NBEA: variants seen among roughly 807,000 people sequenced by gnomAD.
The protein encoded by NBEA is lysosomal-trafficking regulator 2.
In NBEA, 44 loss-of-function variants were observed where a neutral mutation model predicts 343.4. The observed-to-expected ratio is 0.13, with a 90% CI of 0.10 to 0.16. NBEA has a LOEUF of 0.16. NBEA is among the 10% of genes least tolerant of loss of function. NBEA has a pLI of 1.00. For missense variants in NBEA, 2,555 were observed against 3,631.3 expected, an observed-to-expected ratio of 0.70 and a Z score of 7.62; for synonymous variants, 1,175 against 1,238.7, an observed-to-expected ratio of 0.95 and a Z score of 1.08.
rs147599783 is a variant in NBEA, at chr13:35,082,603, C to T, written c.1571+11751C>T. On this transcript the variant is annotated intron_variant, in intron 10 of 58. Transcript: ENST00000379939. ...TGTTGTTTCTTGACTTTTTAATGAT[C>T]GCCATTCTAACTGGTATGAGATGGT... 9.8e-3 allele frequency among the ~76,000 whole-genome samples: 1,484 copies of T among 152,126 alleles called. 19 individuals carry two copies. The highest frequency in any genetic ancestry group is 0.034 in the African/African-American group (1,425 of 41,500).
At chr13:34,948,852 C>G (rs2059266837) in intron 1 of NBEA, among the ~76,000 whole-genome samples, 1 of 152,090 alleles carries the variant, frequency 6.6e-6, no homozygotes, top group Non-Finnish European at 1.5e-5. Flanking sequence ...CAGTTAACTT[C>G]GGTCCAAGTT....
At chr13:35,326,716 G>T (rs2038585982) in intron 36 of NBEA, among the ~76,000 whole-genome samples, 1 of 151,864 alleles carries the variant, frequency 6.6e-6, no homozygotes, top group Non-Finnish European at 1.5e-5. Flanking sequence ...TCCCGTTCCA[G>T]TTCTCAAGTG....
chr13:35,545,768 A>G (rs1486766039), intron 41 of NBEA, among the ~76,000 whole-genome samples: 1 of 152,202 alleles, frequency 6.6e-6, no homozygotes. Context: ...GTGTCTTCTC[A>G]GAATGGATCT....
intron 42 of NBEA, 66 bp from the exon 43 acceptor site, chr13:35,550,864 T>C (rs2079286083): frequency 1.0e-6 from 1 of 979,382 alleles, no homozygotes; most frequent in African/African-American, 1.6e-5. Context: ...TGAAGATGAC[T>C]TGTAAAATTG....
rs2153088156 is a variant in NBEA, at chr13:35,667,433, G to A, written c.8524G>A (p.Glu2842Lys). The change falls in exon 57 of 59, where the codon GAA becomes AAA. Residue 2842 changes from glutamate to lysine, a missense_variant. By Grantham distance (56) the Glu-to-Lys change is moderately conservative. Coordinates refer to ENST00000379939, the MANE Select transcript of NBEA (RefSeq NM_001385012.1). Reference protein sequence around the residue: ...GDLLRALEGPENCLFPRLISV... With the variant: ...GDLLRALEGPKNCLFPRLISV... ...TTTGCTGAGAGCCCTTGAAGGACCAGAAAACTGCTTATTCCCACGCTTGAT... is the reference window on the plus strand; with the variant it reads ...TTTGCTGAGAGCCCTTGAAGGACCAAAAAACTGCTTATTCCCACGCTTGAT... The A allele has an allele frequency of 6.2e-7, 1 of 1,613,988 alleles. No individual in the cohort carries two copies. Among genetic ancestry groups the A allele is most frequent in the Non-Finnish European group, 8.5e-7 (1 of 1,179,880 alleles).
chr13:35,139,558 A>G (rs994046577), intron 17 of NBEA, among the ~76,000 whole-genome samples: 1 of 152,120 alleles, frequency 6.6e-6, no homozygotes, highest in Admixed American at 6.5e-5. Flanking sequence ...GCAAATCAGC[A>G]CTAAAAACTG....
intron 10 of NBEA, among the ~76,000 whole-genome samples, chr13:35,075,634 C>T (rs150206688): frequency 9.5e-4 from 145 of 152,132 alleles, no homozygotes; most frequent in African/African-American, 3.1e-3. Flanking sequence ...ATTTATGACT[C>T]ATTAGTTTGT....
chr13:35,143,016 T>C (rs1001727313), intron 18 of NBEA, among the ~76,000 whole-genome samples: 1 of 152,196 alleles, frequency 6.6e-6, no homozygotes, highest in African/African-American at 2.4e-5. Flanking sequence ...TGCTTTCCTA[T>C]AACTGATCTT....
intron 33 of NBEA, among the ~76,000 whole-genome samples, chr13:35,222,779 T>C (rs2074440623): frequency 6.6e-6 from 1 of 152,206 alleles, no homozygotes; most frequent in South Asian, 2.1e-4. Flanking sequence ...TCCTAATTCC[T>C]CTTTCACATC....
intron 8 of NBEA, among the ~76,000 whole-genome samples, chr13:35,065,206 T>A (rs1471212274): frequency 1.3e-5 from 2 of 151,994 alleles, no homozygotes; most frequent in Non-Finnish European, 2.9e-5. Flanking sequence ...GGCTTTATAC[T>A]TTATACTTGA....
intron 45 of NBEA, among the ~76,000 whole-genome samples, chr13:35,575,436 A>C (rs551435474): frequency 2.2e-4 from 33 of 152,286 alleles, no homozygotes; most frequent in Non-Finnish European, 3.7e-4. Flanking sequence ...TTGATTGGAA[A>C]GGTTTTGTTT....
At chr13:35,585,016 A>T (rs2081234021) in intron 46 of NBEA, among the ~76,000 whole-genome samples, 1 of 147,964 alleles carries the variant, frequency 6.8e-6, no homozygotes. Context: ...CCCCTCCCTC[A>T]TTCTTTCTTC....
At chr13:35,528,336 G>A (rs1009865338) in intron 41 of NBEA, among the ~76,000 whole-genome samples, 7 of 152,116 alleles carry the variant, frequency 4.6e-5, no homozygotes, top group South Asian at 2.1e-4. Flanking sequence ...GAAGACATTC[G>A]TTTAAGTGCA....
intron 34 of NBEA, among the ~76,000 whole-genome samples, chr13:35,234,081 C>T (rs1169948446): frequency 2.0e-5 from 3 of 152,086 alleles, no homozygotes. Context: ...CTACCAACAG[C>T]AAAAATGCCA....
intron 1 of NBEA, among the ~76,000 whole-genome samples, chr13:34,980,189 GT>G (rs201133595): frequency 2.0e-5 from 3 of 151,218 alleles, no homozygotes; most frequent in Non-Finnish European, 4.4e-5. Flanking sequence ...GAGTCTAGCT[GT>G]TTTTTTTGTT....
Position 35,313,942 on chromosome 13 carries a change from TACTTTTTAGAATGAAGAACCTATTTTTC to T in NBEA, c.5903+4352_5903+4379del, listed in dbSNP as rs1464423917. 2.6e-5 allele frequency among the ~76,000 whole-genome samples: 4 copies of T among 152,070 alleles called. No individual in the cohort carries two copies. The East Asian group carries it at 7.7e-4, about 29-fold the overall frequency. On this transcript the variant is annotated intron_variant, in intron 36 of 58. Coordinates refer to ENST00000379939, the MANE Select transcript of NBEA (RefSeq NM_001385012.1). ...AAGGTTTAAATTTGGAGAGAGGGGT[TACTTTTTAGAATGAAGAACCTATTTTTC>T]AATTTTGATGGAAAAACGCAATATG...
At chr13:35,253,285 T>C (rs1289178781) in intron 34 of NBEA, among the ~76,000 whole-genome samples, 2 of 152,244 alleles carry the variant, frequency 1.3e-5, no homozygotes, top group African/African-American at 4.8e-5. Flanking sequence ...CAACCTTGCA[T>C]GGAGCAAGTC....
chr13:35,277,925 A>G (rs1420234866), intron 34 of NBEA, among the ~76,000 whole-genome samples: 2 of 151,086 alleles, frequency 1.3e-5, no homozygotes, highest in African/African-American at 4.8e-5. Context: ...CATCTCTACT[A>G]AAAAATACAA....
intron 34 of NBEA, among the ~76,000 whole-genome samples, chr13:35,285,692 G>A (rs1255302444): frequency 6.6e-6 from 1 of 152,142 alleles, no homozygotes; most frequent in African/African-American, 2.4e-5. Context: ...CAAGCTTTCA[G>A]TCGTGTAACT....
Sources: gnomAD v4.1 joint callset for allele counts (sites outside exome capture counted in the v4.1 genomes callset) on GRCh38, gnomAD v4.1.1 for gene constraint, MANE v1.5 for transcripts, NCBI Gene and HGNC (gene_info 2026-07-23, HGNC 2026-07-21) for gene names.